The following TARS3 variants were observed in gnomAD, a reference collection of about 807,000 sequenced individuals.
TARS3 encodes threonyl-tRNA synthetase 3.
TARS3 carries 94 observed loss-of-function variants against 103.5 expected under a neutral mutation model. The observed-to-expected ratio is 0.91, with a 90% confidence interval of 0.77 to 1.08. The LOEUF (loss-of-function observed/expected upper bound fraction) is 1.08, where lower values mean the gene tolerates loss of function less well. Among genes scored for constraint, TARS3 ranks in the 50% least tolerant of loss-of-function variants. The pLI is 0.00. For synonymous variants in TARS3, 416 were observed against 355.4 expected (o/e 1.17, Z -1.92); for missense variants, 952 against 995.2 (o/e 0.96, Z 0.58).
intron 10 of TARS3, among the ~76,000 whole-genome samples, chr15:101,689,804 T>C (rs1326630446): frequency 6.6e-6 from 1 of 152,232 alleles, no homozygotes; most frequent in Non-Finnish European, 1.5e-5. Flanking sequence ...TTATGGTATT[T>C]TGTTATAATA....
intron 11 of TARS3, among the ~76,000 whole-genome samples, chr15:101,684,593 TG>T (rs751494445): frequency 2.4e-4 from 36 of 152,206 alleles, no homozygotes; most frequent in Non-Finnish European, 4.3e-4. Context: ...CTCACGTTCC[TG>T]GAACACCTCA....
At position 101,690,476 on chromosome 15, in the gene TARS3, C is replaced by G. The variant is rs925832771; in HGVS notation, c.1321-4414G>C. Among the ~76,000 whole-genome samples the G allele has an allele frequency of 2.2e-4, 33 of 152,158 alleles. 1 individual carries two copies. The highest frequency in any genetic ancestry group is 5.9e-5 in the Non-Finnish European group (4 of 68,024). ...TGGCCTGCTGTTCCTGTATTTCAAC[C>G]CTCTCCTCCATGACTGTGCAAACAC... On this transcript the variant is annotated intron_variant, in intron 10 of 18. Transcript: ENST00000335968.
intron 10 of TARS3, among the ~76,000 whole-genome samples, chr15:101,694,793 C>A (rs1334217221): frequency 6.6e-6 from 1 of 152,124 alleles, no homozygotes; most frequent in Non-Finnish European, 1.5e-5. Context: ...AGTTTTATTA[C>A]AAAAGGTCAA....
In TARS3 at chr15:101,684,114, G is replaced by A; in HGVS notation, c.1611C>T (p.Phe537=). The A allele has an allele frequency of 3.7e-6, 6 of 1,613,628 alleles. No individual in the cohort carries two copies. Among genetic ancestry groups the A allele is most frequent in the Non-Finnish European group, 5.1e-6 (6 of 1,179,778 alleles). The change falls in exon 12 of 19, where the codon TTC becomes TTT. Residue 537 remains phenylalanine (F), a synonymous_variant. Transcript: ENST00000335968. Reference sequence around the variant, plus strand: ...AAAAAATGTGAGCATCGTCCTGCTGGAAGCGCCTCACTCTGGTCAAGCCGC... The same window carrying A: ...AAAAAATGTGAGCATCGTCCTGCTGAAAGCGCCTCACTCTGGTCAAGCCGC... ...TLSGLTRVRR[F]QQDDAHIFCT...
Position 101,721,188 on chromosome 15 carries a change from A to G in TARS3, c.504T>C (p.Asp168=), listed in dbSNP as rs757924748. Residue 168 remains aspartate (D), a synonymous_variant, in exon 3 of 19, where the codon GAT becomes GAC. Transcript: ENST00000335968. The stretch of plus-strand genomic sequence containing the variant: ...AGACTTCCCCTTGCACTGTTTGCCC[A>G]TCAGCCACTCTTACTGTGATGATGT... ...TSNIITVRVA[D]GQTVQGEVWK... is the part of the protein sequence containing the mutation. 2 of 1,613,060 alleles carry G rather than the reference A, an allele frequency of 1.2e-6. No individual in the cohort carries two copies. Among genetic ancestry groups the G allele is most frequent in the Middle Eastern group, 1.7e-4 (1 of 6,058 alleles).
At chr15:101,702,795 A>C (rs921399394) in intron 8 of TARS3, among the ~76,000 whole-genome samples, 12 of 152,324 alleles carry the variant, frequency 7.9e-5, no homozygotes, top group Admixed American at 5.9e-4. Context: ...AACAAACAAA[A>C]TCAACAAAGC....
intron 2 of TARS3, among the ~76,000 whole-genome samples, chr15:101,722,142 A>T (rs1205175412): frequency 6.6e-6 from 1 of 151,810 alleles, no homozygotes; most frequent in Non-Finnish European, 1.5e-5. Context: ...CTCTCTGCCT[A>T]TCTAACTTCT....
At position 101,661,807 on chromosome 15, in the gene TARS3, C is replaced by T. The variant is rs757919851; in HGVS notation, c.1977G>A (p.Gly659=). ...TGATCACAGGTCTCTTCTTATCATC[C>T]CCATCCTTACTAAAAAATGAAAATT... The part of the protein sequence containing the change: ...RFNLTYVSKD[G]DDKKRPVIIH... Residue 659 remains glycine (G), a synonymous_variant, in exon 16 of 19, where the codon GGG becomes GGA. Coordinates refer to ENST00000335968, the MANE Select transcript of TARS3 (RefSeq NM_152334.3). The T allele has an allele frequency of 1.0e-5, 16 of 1,584,364 alleles. No homozygotes were observed. Among genetic ancestry groups the T allele is most frequent in the Non-Finnish European group, 1.4e-5 (16 of 1,166,426 alleles).
At chr15:101,691,274 TTATA>T (rs67629619) in intron 10 of TARS3, among the ~76,000 whole-genome samples, 1 of 135,508 alleles carries the variant, frequency 7.4e-6, no homozygotes, top group Admixed American at 8.1e-5. Flanking sequence ...ACCTCAGTAT[TTATA>T]TATATATATA....
rs193180723 is a variant in TARS3, at chr15:101,658,192, G to T, written c.2073-335C>A. 3.3e-5 allele frequency among the ~76,000 whole-genome samples: 5 copies of T among 151,570 alleles called. No homozygotes were observed. The East Asian group carries it at 9.7e-4, about 29-fold the overall frequency. Reference sequence around the variant, plus strand: ...TTCACACACAATACTGCTCACTAACGTCCATAGCAGCTTTATTTATAATAG... The same window carrying T: ...TTCACACACAATACTGCTCACTAACTTCCATAGCAGCTTTATTTATAATAG... On this transcript the variant is annotated intron_variant, in intron 16 of 18. Coordinates refer to ENST00000335968, the MANE Select transcript of TARS3 (RefSeq NM_152334.3).
intron 10 of TARS3, among the ~76,000 whole-genome samples, chr15:101,686,600 G>A (rs1180517540): frequency 2.6e-5 from 4 of 152,162 alleles, no homozygotes; most frequent in African/African-American, 7.2e-5. Flanking sequence ...CAGGAGAAGA[G>A]AGTTTTTTTC....
chr15:101,689,480 G>T (rs893571611), intron 10 of TARS3, among the ~76,000 whole-genome samples: 3 of 151,910 alleles, frequency 2.0e-5, no homozygotes, highest in African/African-American at 7.3e-5. Context: ...AGATCATTAG[G>T]GTAGATCCTA....
intron 10 of TARS3, among the ~76,000 whole-genome samples, chr15:101,700,590 G>T (rs1388534379): frequency 6.6e-6 from 1 of 151,926 alleles, no homozygotes; most frequent in Admixed American, 6.6e-5. Flanking sequence ...TGTATTCAGG[G>T]GAAACAGAAA....
At position 101,691,481 on chromosome 15, in the gene TARS3, T is replaced by C. The variant is rs535310593; in HGVS notation, c.1321-5419A>G. Among the ~76,000 whole-genome samples, 11 of 151,058 alleles carry C rather than the reference T, an allele frequency of 7.3e-5. No individual in the cohort carries two copies. In the South Asian group the frequency reaches 2.1e-3, roughly 29 times the overall value. On this transcript the variant is annotated intron_variant, in intron 10 of 18. Coordinates refer to ENST00000335968, the MANE Select transcript of TARS3 (RefSeq NM_152334.3). Reference sequence around the variant, plus strand: ...TTTTAGTAGACACAGGGTTTCACCATGTTGGCCAGGCTGGTCTCGAACTCC... The same window carrying C: ...TTTTAGTAGACACAGGGTTTCACCACGTTGGCCAGGCTGGTCTCGAACTCC...
intron 10 of TARS3, among the ~76,000 whole-genome samples, chr15:101,695,451 GTA>G (rs1898927014): frequency 1.3e-5 from 2 of 152,202 alleles, no homozygotes; most frequent in African/African-American, 4.8e-5. Context: ...ATGCTGAGTT[GTA>G]TTCCACAGCA....
intron 12 of TARS3, among the ~76,000 whole-genome samples, chr15:101,678,583 T>G (rs2141399733): frequency 6.6e-6 from 1 of 152,248 alleles, no homozygotes. Flanking sequence ...TCAGGTGAAG[T>G]ACAAAAACTT....
intron 3 of TARS3, among the ~76,000 whole-genome samples, chr15:101,716,560 G>A (rs977084320): frequency 6.6e-6 from 1 of 152,094 alleles, no homozygotes; most frequent in Admixed American, 6.5e-5. Context: ...ATATTTAATA[G>A]TCACAGAGGA....
At chr15:101,715,006 T>TA (rs1055500657) in intron 3 of TARS3, 43 bp from the exon 4 acceptor site, 1 of 1,560,504 alleles carries the variant, frequency 6.4e-7, no homozygotes, top group African/African-American at 1.4e-5. Flanking sequence ...TTATCACTGT[T>TA]ACAATGATTC....
intron 13 of TARS3, among the ~76,000 whole-genome samples, chr15:101,672,888 C>T (rs1897867539): frequency 6.6e-6 from 1 of 152,042 alleles, no homozygotes; most frequent in Non-Finnish European, 1.5e-5. Context: ...CAGCAGATAC[C>T]AAGTGATGGA....
Sources: gnomAD v4.1 joint callset for allele counts (sites outside exome capture counted in the v4.1 genomes callset) on GRCh38, gnomAD v4.1.1 for gene constraint, MANE v1.5 for transcripts, NCBI Gene and HGNC (gene_info 2026-07-23, HGNC 2026-07-21) for gene names.